The following OR4C16 variants were observed in gnomAD, a reference collection of about 807,000 sequenced individuals.
OR4C16 encodes the protein olfactory receptor family 4 subfamily C member 16.
Under a neutral mutation model 14.4 loss-of-function variants are expected in OR4C16, and 24 were observed. That is an observed-to-expected ratio of 1.66 (90% CI 1.21 to 2.34). The LOEUF is 2.34. Among genes scored for constraint, OR4C16 ranks in the 30% most tolerant of loss-of-function variants. The pLI, the probability that OR4C16 is intolerant of heterozygous loss-of-function variation, is 0.00. For synonymous variants in OR4C16, 233 were observed against 133.5 expected (o/e 1.75, Z -5.14); for missense variants, 674 against 364.2 (o/e 1.85, Z -6.92).
rs769291255 is a variant in OR4C16 at position 55,572,393 on chromosome 11, C to A, written c.266C>A (p.Thr89Asn). 5 of 1,613,786 alleles carry A rather than the reference C, an allele frequency of 3.1e-6. No homozygotes were observed. Among genetic ancestry groups the A allele is most frequent in the African/African-American group, 1.3e-5 (1 of 74,888 alleles). The change falls in exon 1 of 1, where the codon ACT becomes AAT. Residue 89 changes from threonine to asparagine, a missense_variant. By Grantham distance (65) the Thr-to-Asn change is moderately conservative (BLOSUM62 0). Transcript: ENST00000623907. ...GTGGATGCCCTTTTGAAGAAGACAA[C>A]TATCTCCTTCAGCGAGTGCATGATC... ...MIVDALLKKT[T>N]ISFSECMIQV...
chr11:55,572,150 C>T lies in OR4C16; in HGVS notation c.23C>T (p.Thr8Ile), dbSNP rs546581638. The T allele has an allele frequency of 1.6e-5, 25 of 1,608,236 alleles. No homozygotes were observed. In the South Asian group the frequency reaches 2.2e-4, roughly 14 times the overall value. The change falls in exon 1 of 1, where the codon ACT becomes ATT. Residue 8 changes from threonine (T) to isoleucine (I), a missense_variant. Thr to Ile is a moderately conservative substitution (Grantham distance 89, BLOSUM62 -1). Transcript: ENST00000623907. ...ACCATGCAACTGAATAATAATGTGA[C>T]TGAGTTCATTCTGCTTGGATTGACA... is the stretch of plus-strand genomic sequence containing the variant. MQLNNNV[T>I]EFILLGLTQD... is the part of the protein sequence containing the mutation.
rs963575683 is a variant in OR4C16 at position 55,572,868 on chromosome 11, G to A, written c.741G>A (p.Leu247=). The change falls in exon 1 of 1, where the codon TTG becomes TTA. Residue 247 remains leucine (L), a synonymous_variant. Transcript: ENST00000623907. The part of the protein sequence containing the change: ...TCVSHIIVVI[L]FFGPCIFMYT... ...TCTCCCACATCATTGTGGTCATCTT[G>A]TTCTTTGGACCTTGCATATTTATGT... 80 of 1,613,816 alleles carry A rather than the reference G, an allele frequency of 5.0e-5. No homozygotes were observed. Among genetic ancestry groups the A allele is most frequent in the Non-Finnish European group, 6.5e-5 (77 of 1,179,872 alleles).
In OR4C16 at chr11:55,572,337, C is replaced by A. The variant is rs775424579; in HGVS notation, c.210C>A (p.Cys70Ter). ...FLFYLSLSDTCLSTSITPRMI... is the reference protein window; with the variant it reads ...FLFYLSLSDT ...TCTACTTATCCTTATCTGATACTTG[C>A]CTCTCTACTTCCATAACCCCTAGAA... The change falls in exon 1 of 1, where the codon TGC (cysteine) becomes TGA (stop). Residue 70 changes from cysteine (C) to a stop codon, truncating the protein, a stop_gained. Transcript: ENST00000623907. LOFTEE classifies it high-confidence loss of function. The A allele has an allele frequency of 6.2e-7, 1 of 1,612,976 alleles. No individual in the cohort carries two copies. The highest frequency in any genetic ancestry group is 8.5e-7 in the Non-Finnish European group (1 of 1,179,028).
chr11:55,572,583 G>A lies in OR4C16; in HGVS notation c.456G>A (p.Val152=), dbSNP rs1421528349. The change falls in exon 1 of 1, where the codon GTG becomes GTA. Residue 152 remains valine (V), a synonymous_variant. Coordinates refer to ENST00000623907, the MANE Select transcript of OR4C16 (RefSeq NM_001004701.2). ...LMAVAWVGSC[V]HSLVQIFLAL... is the part of the protein sequence containing the mutation. ...CTGTGGCCTGGGTGGGATCCTGTGT[G>A]CATTCTTTAGTTCAGATTTTTCTTG... is the stretch of plus-strand genomic sequence containing the variant. 3.1e-6 allele frequency: 5 copies of A among 1,613,942 alleles called. 1 individual carries two copies. In the South Asian group the frequency reaches 3.3e-5, roughly 11 times the overall value.
Position 55,572,687 on chromosome 11 carries a change from G to A in OR4C16, c.560G>A (p.Cys187Tyr), listed in dbSNP as rs745915444. The A allele has an allele frequency of 1.1e-5, 18 of 1,613,910 alleles. No individual in the cohort carries two copies. Among genetic ancestry groups the A allele is most frequent in the Middle Eastern group, 1.6e-4 (1 of 6,080 alleles). The change falls in exon 1 of 1, where the codon TGT (cysteine) becomes TAT (tyrosine). Residue 187 changes from cysteine (C) to tyrosine (Y), a missense_variant. Physicochemically the swap from Cys to Tyr is radical, Grantham distance 194. Coordinates refer to ENST00000623907, the MANE Select transcript of OR4C16 (RefSeq NM_001004701.2). ...CDLQPLLKQA[C>Y]SETYVVNLLL... Reference sequence around the variant, plus strand: ...TTGCAGCCCTTGTTGAAACAAGCCTGTTCAGAAACCTATGTGGTTAACCTA... The same window carrying A: ...TTGCAGCCCTTGTTGAAACAAGCCTATTCAGAAACCTATGTGGTTAACCTA...
At position 55,572,244 on chromosome 11, in the gene OR4C16, T is replaced by A; in HGVS notation, c.117T>A (p.Gly39=). ...GTCTCTACTTGGGAACACTGTTGGG[T>A]AATTTGCTAATCATTATTAGTGTCA... ...FLRLYLGTLL[G]NLLIIISVKT... is the part of the protein sequence containing the mutation. Residue 39 remains glycine, a synonymous_variant, in exon 1 of 1, where the codon GGT becomes GGA. Coordinates refer to ENST00000623907, the MANE Select transcript of OR4C16 (RefSeq NM_001004701.2). 2 of 1,611,866 alleles carry A rather than the reference T, an allele frequency of 1.2e-6. No homozygotes were observed. Among genetic ancestry groups the A allele is most frequent in the Non-Finnish European group, 1.7e-6 (2 of 1,178,162 alleles).
In OR4C16 at chr11:55,572,170, T is replaced by C; in HGVS notation, c.43T>C (p.Leu15=). ...NNVTEFILLG[L]TQDPFWKKIV... The stretch of plus-strand genomic sequence containing the variant: ...TGTGACTGAGTTCATTCTGCTTGGA[T>C]TGACACAGGATCCTTTTTGGAAGAA... Residue 15 remains leucine (L), a synonymous_variant, in exon 1 of 1, where the codon TTG becomes CTG. Coordinates refer to ENST00000623907, the MANE Select transcript of OR4C16 (RefSeq NM_001004701.2). 2 of 1,612,420 alleles carry C rather than the reference T, an allele frequency of 1.2e-6. No individual in the cohort carries two copies. The highest frequency in any genetic ancestry group is 1.7e-6 in the Non-Finnish European group (2 of 1,178,788).
rs776923660 is a variant in OR4C16, at chr11:55,572,490, T to C, written c.363T>C (p.Tyr121=). The change falls in exon 1 of 1, where the codon TAT becomes TAC. Residue 121 remains tyrosine (Y), a synonymous_variant. Transcript: ENST00000623907. Reference sequence around the variant, plus strand: ...TCATCCTCACGGCTGTTGACCGCTATGTGGACATCTGTAAGCCCCTGCACT... The same window carrying C: ...TCATCCTCACGGCTGTTGACCGCTACGTGGACATCTGTAAGCCCCTGCACT... The part of the protein sequence containing the change: ...FILILTAVDR[Y]VDICKPLHYM... 9.5e-5 allele frequency: 154 copies of C among 1,613,998 alleles called. No homozygotes were observed. The highest frequency in any genetic ancestry group is 1.3e-4 in the Non-Finnish European group (151 of 1,180,022).
At position 55,573,008 on chromosome 11, in the gene OR4C16, G is replaced by T. The variant is rs1435021849; in HGVS notation, c.881G>T (p.Ser294Ile). 3 of 1,589,982 alleles carry T rather than the reference G, an allele frequency of 1.9e-6. No homozygotes were observed. The highest frequency in any genetic ancestry group is 1.1e-5 in the South Asian group (1 of 88,480). ...ACGCTGAAGAATACAGAAGTGAAAA[G>T]TGCCATGAGGAAGCTTTGGAGCAAG... ...IYTLKNTEVK[S>I]AMRKLWSKKL... is the part of the protein sequence containing the mutation. The change falls in exon 1 of 1, where the codon AGT (serine) becomes ATT (isoleucine). Residue 294 changes from serine to isoleucine, a missense_variant. Ser to Ile is a moderately radical substitution (Grantham distance 142, BLOSUM62 -2). Transcript: ENST00000623907.
rs1382958737 is a variant in OR4C16 at position 55,572,551 on chromosome 11, T to G, written c.424T>G (p.Leu142Val). 2 of 1,614,008 alleles carry G rather than the reference T, an allele frequency of 1.2e-6. No homozygotes were observed. The highest frequency in any genetic ancestry group is 1.7e-6 in the Non-Finnish European group (2 of 1,180,014). Residue 142 changes from leucine to valine, a missense_variant, in exon 1 of 1, where the codon TTG becomes GTG. By Grantham distance (32) the Leu-to-Val change is conservative. Transcript: ENST00000623907. ...CATAAGCCAGTGGGTCTGTGGTGTTTTGATGGCTGTGGCCTGGGTGGGATC... is the reference window on the plus strand; with the variant it reads ...CATAAGCCAGTGGGTCTGTGGTGTTGTGATGGCTGTGGCCTGGGTGGGATC... ...TIISQWVCGV[L>V]MAVAWVGSCV...
Position 55,572,862 on chromosome 11 carries a change from C to A in OR4C16, c.735C>A (p.Val245=), listed in dbSNP as rs781417480. 2 of 1,613,708 alleles carry A rather than the reference C, an allele frequency of 1.2e-6. No individual in the cohort carries two copies. Among genetic ancestry groups the A allele is most frequent in the African/African-American group, 1.3e-5 (1 of 75,040 alleles). ...LSTCVSHIIV[V]ILFFGPCIFM... ...CATGTGTCTCCCACATCATTGTGGTCATCTTGTTCTTTGGACCTTGCATAT... is the reference window on the plus strand; with the variant it reads ...CATGTGTCTCCCACATCATTGTGGTAATCTTGTTCTTTGGACCTTGCATAT... The change falls in exon 1 of 1, where the codon GTC becomes GTA. Residue 245 remains valine (V), a synonymous_variant. Coordinates refer to ENST00000623907, the MANE Select transcript of OR4C16 (RefSeq NM_001004701.2).
In OR4C16 at chr11:55,572,219, G is replaced by A. The variant is rs374191202; in HGVS notation, c.92G>A (p.Arg31His). The A allele has an allele frequency of 3.0e-5, 49 of 1,610,392 alleles. 1 individual carries two copies. In the South Asian group the frequency reaches 3.2e-4, roughly 10 times the overall value. The change falls in exon 1 of 1, where the codon CGT becomes CAT. Residue 31 changes from arginine to histidine, a missense_variant. Physicochemically the swap from Arg to His is conservative, Grantham distance 29 (BLOSUM62 0). Coordinates refer to ENST00000623907, the MANE Select transcript of OR4C16 (RefSeq NM_001004701.2). ...AAAATAGTGTTTGTTATTTTTTTGCGTCTCTACTTGGGAACACTGTTGGGT... is the reference window on the plus strand; with the variant it reads ...AAAATAGTGTTTGTTATTTTTTTGCATCTCTACTTGGGAACACTGTTGGGT... The part of the protein sequence containing the change: ...WKKIVFVIFL[R>H]LYLGTLLGNL...
rs756023612 is a variant in OR4C16, at chr11:55,572,509, C to T, written c.382C>T (p.Leu128=). The part of the protein sequence containing the change: ...VDRYVDICKP[L]HYMTIISQWV... Reference sequence around the variant, plus strand: ...CCGCTATGTGGACATCTGTAAGCCCCTGCACTACATGACCATCATAAGCCA... The same window carrying T: ...CCGCTATGTGGACATCTGTAAGCCCTTGCACTACATGACCATCATAAGCCA... The change falls in exon 1 of 1, where the codon CTG becomes TTG. Residue 128 remains leucine, a synonymous_variant. Transcript: ENST00000623907. 3 of 1,614,088 alleles carry T rather than the reference C, an allele frequency of 1.9e-6. No individual in the cohort carries two copies. Among genetic ancestry groups the T allele is most frequent in the Middle Eastern group, 1.7e-4 (1 of 6,060 alleles).
In OR4C16 at chr11:55,572,314, T is replaced by C. The variant is rs1371684455; in HGVS notation, c.187T>C (p.Tyr63His). Residue 63 changes from tyrosine to histidine, a missense_variant, in exon 1 of 1, where the codon TAC becomes CAC. Coordinates refer to ENST00000623907, the MANE Select transcript of OR4C16 (RefSeq NM_001004701.2). ...LKNPMFFFLF[Y>H]LSLSDTCLST... ...GAACCCAATGTTCTTCTTCCTTTTC[T>C]ACTTATCCTTATCTGATACTTGCCT... The C allele has an allele frequency of 1.9e-6, 3 of 1,613,494 alleles. No homozygotes were observed. The African/African-American group carries it at 4.0e-5, about 22-fold the overall frequency.
At position 55,572,474 on chromosome 11, in the gene OR4C16, C is replaced by A; in HGVS notation, c.347C>A (p.Thr116Lys). The change falls in exon 1 of 1, where the codon ACG becomes AAG. Residue 116 changes from threonine to lysine, a missense_variant. Coordinates refer to ENST00000623907, the MANE Select transcript of OR4C16 (RefSeq NM_001004701.2). ...GCLEIFILIL[T>K]AVDRYVDICK... is the part of the protein sequence containing the mutation. ...CTGGAGATCTTCATCCTCATCCTCA[C>A]GGCTGTTGACCGCTATGTGGACATC... The A allele has an allele frequency of 1.9e-6, 3 of 1,613,984 alleles. No homozygotes were observed. The highest frequency in any genetic ancestry group is 1.7e-6 in the Non-Finnish European group (2 of 1,179,914).
chr11:55,572,153 A>G lies in OR4C16; in HGVS notation c.26A>G (p.Glu9Gly), dbSNP rs567680488. Residue 9 changes from glutamate to glycine, a missense_variant, in exon 1 of 1, where the codon GAG becomes GGG. Coordinates refer to ENST00000623907, the MANE Select transcript of OR4C16 (RefSeq NM_001004701.2). Reference protein sequence around the residue: MQLNNNVTEFILLGLTQDP... With the variant: MQLNNNVTGFILLGLTQDP... ...ATGCAACTGAATAATAATGTGACTG[A>G]GTTCATTCTGCTTGGATTGACACAG... is the stretch of plus-strand genomic sequence containing the variant. The G allele has an allele frequency of 1.1e-5, 17 of 1,609,900 alleles. No homozygotes were observed. In the Admixed American group the frequency reaches 1.3e-4, roughly 13 times the overall value.
At position 55,572,810 on chromosome 11, in the gene OR4C16, C is replaced by G; in HGVS notation, c.683C>G (p.Ala228Gly). 1.2e-6 allele frequency: 2 copies of G among 1,614,006 alleles called. No individual in the cohort carries two copies. Among genetic ancestry groups the G allele is most frequent in the Non-Finnish European group, 1.7e-6 (2 of 1,179,914 alleles). Residue 228 changes from alanine to glycine, a missense_variant, in exon 1 of 1, where the codon GCT (alanine) becomes GGT (glycine). Physicochemically the swap from Ala to Gly is moderately conservative, Grantham distance 60. Transcript: ENST00000623907. ...TTGCATTCTCTGAGAAACCACAGTG[C>G]TGAAGTGATAAAGAAAGCACTTTCC... ...IFLHSLRNHS[A>G]EVIKKALSTC...
chr11:55,572,893 T>C lies in OR4C16; in HGVS notation c.766T>C (p.Tyr256His), dbSNP rs111671250. 32 of 1,613,954 alleles carry C rather than the reference T, an allele frequency of 2.0e-5. 1 individual carries two copies. In the African/African-American group the frequency reaches 3.5e-4, roughly 17 times the overall value. Residue 256 changes from tyrosine (Y) to histidine (H), a missense_variant, in exon 1 of 1, where the codon TAC becomes CAC. Physicochemically the swap from Tyr to His is moderately conservative, Grantham distance 83. Transcript: ENST00000623907. ...ILFFGPCIFMYTCLATVFPMD... is the reference protein window; with the variant it reads ...ILFFGPCIFMHTCLATVFPMD... ...GTTCTTTGGACCTTGCATATTTATG[T>C]ACACATGCCTTGCAACCGTATTCCC...
Position 55,572,566 on chromosome 11 carries a change from T to G in OR4C16, c.439T>G (p.Trp147Gly). ...WVCGVLMAVA[W>G]VGSCVHSLVQ... ...CTGTGGTGTTTTGATGGCTGTGGCC[T>G]GGGTGGGATCCTGTGTGCATTCTTT... Residue 147 changes from tryptophan (W) to glycine (G), a missense_variant, in exon 1 of 1, where the codon TGG (tryptophan) becomes GGG (glycine). Physicochemically the swap from Trp to Gly is radical, Grantham distance 184. Transcript: ENST00000623907. 3.7e-6 allele frequency: 6 copies of G among 1,614,122 alleles called. No homozygotes were observed. The highest frequency in any genetic ancestry group is 5.1e-6 in the Non-Finnish European group (6 of 1,180,004).
Sources: gnomAD v4.1 joint callset for allele counts on GRCh38, gnomAD v4.1.1 for gene constraint, MANE v1.5 for transcripts, NCBI Gene and HGNC (gene_info 2026-07-23, HGNC 2026-07-21) for gene names.